The following SLC35F3 variants were observed in gnomAD, a reference collection of about 807,000 sequenced individuals.
The protein encoded by SLC35F3 is putative thiamine transporter SLC35F3.
Under a neutral mutation model 49.9 loss-of-function variants are expected in SLC35F3, and 25 were observed. That is an observed-to-expected ratio of 0.50 (90% CI 0.37 to 0.70). The LOEUF (loss-of-function observed/expected upper bound fraction) is 0.70, where lower values mean the gene tolerates loss of function less well. SLC35F3 is among the 30% of genes least tolerant of loss of function. The probability of loss-of-function intolerance (pLI) is 0.00; values close to 1 mark genes in which losing one functional copy is unlikely to be tolerated. For missense variants in SLC35F3, 525 were observed against 639.8 expected, an observed-to-expected ratio of 0.82 and a Z score of 1.94; for synonymous variants, 275 against 265.4, an observed-to-expected ratio of 1.04 and a Z score of -0.35.
intron 2 of SLC35F3, among the ~76,000 whole-genome samples, chr1:234,118,873 TTTTTTTCTTTTC>T (rs1234898768): frequency 1.3e-5 from 2 of 148,960 alleles, no homozygotes; most frequent in Non-Finnish European, 3.0e-5. Context: ...TATTTTTTTC[TTTTTTTCTTTTC>T]TTTTTTTTTT....
intron 3 of SLC35F3, among the ~76,000 whole-genome samples, chr1:234,268,237 G>A (rs1212288499): frequency 2.0e-5 from 3 of 152,206 alleles, no homozygotes; most frequent in East Asian, 1.9e-4. Context: ...CGGATCACTC[G>A]CGATTAGGAG....
intron 2 of SLC35F3, among the ~76,000 whole-genome samples, chr1:234,007,589 G>A (rs1166463959): frequency 6.6e-6 from 1 of 152,202 alleles, no homozygotes; most frequent in Admixed American, 6.5e-5. Context: ...CCTTCCTCCT[G>A]TGACTATTCA....
intron 2 of SLC35F3, among the ~76,000 whole-genome samples, chr1:234,084,212 A>G (rs1266384584): frequency 7.5e-6 from 1 of 132,476 alleles, no homozygotes; most frequent in Non-Finnish European, 1.6e-5. Flanking sequence ...TGTTGGTGAT[A>G]AGGAATAGAC....
At chr1:233,984,232 T>C (rs1174975424) in intron 2 of SLC35F3, among the ~76,000 whole-genome samples, 1 of 152,182 alleles carries the variant, frequency 6.6e-6, no homozygotes, top group Non-Finnish European at 1.5e-5. Context: ...GCTGCCTCTG[T>C]AAGATTTGGG....
At chr1:234,265,206 CAT>C (rs1435732536) in intron 3 of SLC35F3, among the ~76,000 whole-genome samples, 1 of 152,206 alleles carries the variant, frequency 6.6e-6, no homozygotes, top group African/African-American at 2.4e-5. Context: ...TCAAATATAA[CAT>C]GTGAAAAATC....
chr1:233,955,876 A>ATT (rs1662691337), intron 2 of SLC35F3, among the ~76,000 whole-genome samples: 3 of 58,920 alleles, frequency 5.1e-5, no homozygotes, highest in African/African-American at 1.7e-4. Context: ...AGGTGTGGGT[A>ATT]TCTTTTTTTT....
intron 2 of SLC35F3, among the ~76,000 whole-genome samples, chr1:234,039,981 T>A (rs1485942427): frequency 1.4e-5 from 2 of 143,312 alleles, no homozygotes; most frequent in East Asian, 3.8e-4. Flanking sequence ...AAAGGACCAG[T>A]TTGACAGCCT....
chr1:233,925,142 A>G (rs1381671447), intron 2 of SLC35F3, among the ~76,000 whole-genome samples: 3 of 152,174 alleles, frequency 2.0e-5, no homozygotes, highest in East Asian at 1.9e-4. Flanking sequence ...GTAGATGTCT[A>G]TTAGGTCCTC....
At chr1:234,057,629 A>G (rs1664474586) in intron 2 of SLC35F3, among the ~76,000 whole-genome samples, 1 of 152,046 alleles carries the variant, frequency 6.6e-6, no homozygotes, top group African/African-American at 2.4e-5. Context: ...GGTACCTTTT[A>G]TTTCTGTTTC....
At chr1:234,216,243 GCCCAC>G (rs1215766902) in intron 2 of SLC35F3, among the ~76,000 whole-genome samples, 1 of 152,158 alleles carries the variant, frequency 6.6e-6, no homozygotes, top group Non-Finnish European at 1.5e-5. Flanking sequence ...ATGGGAAGCT[GCCCAC>G]TCCTACCTCC....
At chr1:234,038,232 C>T (rs571686066) in intron 2 of SLC35F3, among the ~76,000 whole-genome samples, 104 of 149,962 alleles carry the variant, frequency 6.9e-4, no homozygotes, top group African/African-American at 2.3e-3. Flanking sequence ...TTTGTCCTTG[C>T]GATAGTTTAC....
intron 2 of SLC35F3, among the ~76,000 whole-genome samples, chr1:233,943,809 G>A (rs1437238500): frequency 6.6e-6 from 1 of 152,212 alleles, no homozygotes; most frequent in East Asian, 1.9e-4. Flanking sequence ...AGCCACAAGT[G>A]TGTTGTGATG....
Position 234,301,678 on chromosome 1 carries a change from C to T in SLC35F3, c.609-7423C>T, listed in dbSNP as rs374483737. Among the ~76,000 whole-genome samples, 16 of 152,292 alleles carry T rather than the reference C, an allele frequency of 1.1e-4. 1 individual carries two copies. The South Asian group carries it at 3.1e-3, about 30-fold the overall frequency. On this transcript the variant is annotated intron_variant, in intron 3 of 7. Coordinates refer to ENST00000366618, the MANE Select transcript of SLC35F3 (RefSeq NM_173508.4). Reference sequence around the variant, plus strand: ...CAGAAATACTATTTGACCCAGCAATCCCATTACTGAGTATATACACAAAGG... The same window carrying T: ...CAGAAATACTATTTGACCCAGCAATTCCATTACTGAGTATATACACAAAGG...
At chr1:234,148,551 C>T (rs899209997) in intron 2 of SLC35F3, among the ~76,000 whole-genome samples, 3 of 152,122 alleles carry the variant, frequency 2.0e-5, no homozygotes, top group Non-Finnish European at 2.9e-5. Flanking sequence ...GGGAGAGCCA[C>T]GTCATGCTGG....
intron 3 of SLC35F3, among the ~76,000 whole-genome samples, chr1:234,260,549 T>C (rs1240505411): frequency 4.6e-5 from 7 of 152,120 alleles, no homozygotes; most frequent in Non-Finnish European, 1.0e-4. Context: ...GGGTCCTCCT[T>C]CTTTGAGTTT....
chr1:233,971,922 C>T (rs1663000479), intron 2 of SLC35F3, among the ~76,000 whole-genome samples: 1 of 152,186 alleles, frequency 6.6e-6, no homozygotes, highest in Non-Finnish European at 1.5e-5. Flanking sequence ...AGGGACATCC[C>T]CCGCTGCCCG....
At chr1:234,155,893 G>A (rs1666145011) in intron 2 of SLC35F3, among the ~76,000 whole-genome samples, 1 of 151,564 alleles carries the variant, frequency 6.6e-6, no homozygotes, top group African/African-American at 2.4e-5. Context: ...TATTCTTTTG[G>A]TCAGTAAGAC....
chr1:234,256,291 T>C (rs1667820753), intron 3 of SLC35F3, among the ~76,000 whole-genome samples: 1 of 152,156 alleles, frequency 6.6e-6, no homozygotes, highest in Non-Finnish European at 1.5e-5. Flanking sequence ...TTCTATATCT[T>C]GACTGTGGCT....
chr1:234,283,223 G>A (rs1177278493), intron 3 of SLC35F3, among the ~76,000 whole-genome samples: 2 of 152,164 alleles, frequency 1.3e-5, no homozygotes, highest in Non-Finnish European at 2.9e-5. Context: ...CAATTCCATG[G>A]TCAACTCCCA....
Sources: allele counts gnomAD v4.1 joint callset (sites outside exome capture counted in the v4.1 genomes callset), GRCh38; gene constraint gnomAD v4.1.1; transcripts MANE v1.5; gene names NCBI Gene and HGNC (gene_info 2026-07-23, HGNC 2026-07-21).